The following GPC6 variants were observed in gnomAD, a reference collection of about 807,000 sequenced individuals.
The protein encoded by GPC6 is glypican-6.
In GPC6, 14 loss-of-function variants were observed where a neutral mutation model predicts 55.2. That is an observed-to-expected ratio of 0.25 (90% CI 0.17 to 0.40). The LOEUF is 0.40. Among genes scored for constraint, GPC6 ranks in the 10% least tolerant of loss-of-function variants. GPC6 has a pLI of 1.00. For synonymous variants in GPC6, 278 were observed against 259.6 expected, an observed-to-expected ratio of 1.07 and a Z score of -0.68; for missense variants, 641 against 708.5, an observed-to-expected ratio of 0.90 and a Z score of 1.08.
chr13:93,853,259 A>G (rs1888473555), intron 3 of GPC6, among the ~76,000 whole-genome samples: 4 of 151,806 alleles, frequency 2.6e-5, no homozygotes, highest in Non-Finnish European at 3.0e-5. Context: ...CCTATATGTA[A>G]TCTTTTCTTC....
intron 7 of GPC6, among the ~76,000 whole-genome samples, chr13:94,391,434 A>G (rs772554744): frequency 2.0e-5 from 3 of 152,160 alleles, no homozygotes; most frequent in Non-Finnish European, 4.4e-5. Context: ...CCGTATTTTG[A>G]TGTCAGATCT....
chr13:93,573,507 G>T (rs1307433081), intron 2 of GPC6, among the ~76,000 whole-genome samples: 1 of 151,936 alleles, frequency 6.6e-6, no homozygotes, highest in Non-Finnish European at 1.5e-5. Flanking sequence ...TTATTTTAAT[G>T]GAAATGGGGC....
At chr13:93,275,708 A>T (rs1409445078) in intron 1 of GPC6, among the ~76,000 whole-genome samples, 1 of 151,978 alleles carries the variant, frequency 6.6e-6, no homozygotes, top group Admixed American at 6.5e-5. Context: ...TCTCATAAGG[A>T]TGTCAGTCAG....
At chr13:93,279,487 T>G (rs189387146) in intron 1 of GPC6, among the ~76,000 whole-genome samples, 1 of 152,358 alleles carries the variant, frequency 6.6e-6, no homozygotes, top group African/African-American at 2.4e-5. Context: ...TTGAACCTTA[T>G]TTCCAATATT....
At chr13:94,208,292 T>C (rs1889964557) in intron 4 of GPC6, among the ~76,000 whole-genome samples, 1 of 152,180 alleles carries the variant, frequency 6.6e-6, no homozygotes. Flanking sequence ...GTTCTTCATG[T>C]CTGAAGTGGG....
rs542866374 is a variant in GPC6 at position 93,916,501 on chromosome 13, C to T, written c.711+85956C>T. On this transcript the variant is annotated intron_variant, in intron 3 of 8. Transcript: ENST00000377047. Reference sequence around the variant, plus strand: ...TGTAATTCCAGTGTTATCCCCCAAACTCCAACATTTTAACCCCTTATTTCT... The same window carrying T: ...TGTAATTCCAGTGTTATCCCCCAAATTCCAACATTTTAACCCCTTATTTCT... 2.2e-3 allele frequency among the ~76,000 whole-genome samples: 338 copies of T among 152,286 alleles called. 3 individuals are homozygous for T. The highest frequency in any genetic ancestry group is 0.016 in the South Asian group (78 of 4,830).
intron 6 of GPC6, among the ~76,000 whole-genome samples, chr13:94,356,953 C>G (rs1878828722): frequency 6.6e-6 from 1 of 152,100 alleles, no homozygotes; most frequent in African/African-American, 2.4e-5. Flanking sequence ...GAAAATGTGT[C>G]ATGGAGTTGC....
At chr13:93,756,620 G>A (rs1046882015) in intron 2 of GPC6, among the ~76,000 whole-genome samples, 1 of 152,178 alleles carries the variant, frequency 6.6e-6, no homozygotes, top group African/African-American at 2.4e-5. Context: ...GCATGAGAAT[G>A]CTGCTTAATT....
chr13:94,098,522 A>C (rs1885743828), intron 4 of GPC6, among the ~76,000 whole-genome samples: 1 of 152,210 alleles, frequency 6.6e-6, no homozygotes, highest in Non-Finnish European at 1.5e-5. Flanking sequence ...AAATGCAGAC[A>C]AGAGCATGCC....
At chr13:94,097,461 C>A (rs1885706119) in intron 4 of GPC6, among the ~76,000 whole-genome samples, 1 of 145,042 alleles carries the variant, frequency 6.9e-6, no homozygotes, top group Non-Finnish European at 1.5e-5. Context: ...GAGCGGAGAT[C>A]GCGCCACTGC....
intron 2 of GPC6, among the ~76,000 whole-genome samples, chr13:93,804,940 TAGC>T (rs1323347029): frequency 7.9e-5 from 12 of 152,204 alleles, no homozygotes; most frequent in African/African-American, 2.9e-4. Flanking sequence ...CCAAAGAACA[TAGC>T]AGCAGTTTAT....
intron 3 of GPC6, among the ~76,000 whole-genome samples, chr13:93,873,657 C>G (rs147712981): frequency 6.6e-6 from 1 of 151,850 alleles, no homozygotes; most frequent in Admixed American, 6.6e-5. Context: ...GCAGACCGAT[C>G]TGGAGCTTGA....
intron 2 of GPC6, among the ~76,000 whole-genome samples, chr13:93,805,721 C>G (rs9524226): frequency 0.37 from 56,948 of 152,000 alleles, 11,496 homozygotes; most frequent in African/African-American, 0.52. Flanking sequence ...GTTGATCATC[C>G]CCTCCAATCT....
intron 1 of GPC6, among the ~76,000 whole-genome samples, chr13:93,453,274 C>A (rs1475486509): frequency 6.6e-6 from 1 of 152,106 alleles, no homozygotes; most frequent in East Asian, 1.9e-4. Context: ...ATTCAATATG[C>A]CCCTGTGTTT....
chr13:93,229,084 T>C (rs1403999669), intron 1 of GPC6, among the ~76,000 whole-genome samples: 1 of 152,210 alleles, frequency 6.6e-6, no homozygotes, highest in Non-Finnish European at 1.5e-5. Flanking sequence ...CCTACTTTTC[T>C]ATCCTTGTTA....
chr13:94,192,139 A>G (rs370929573), intron 4 of GPC6, among the ~76,000 whole-genome samples: 3 of 152,228 alleles, frequency 2.0e-5, no homozygotes, highest in Admixed American at 6.5e-5. Context: ...GCATGCTGCA[A>G]TATTTTACAT....
chr13:93,275,937 C>G (rs1198829337), intron 1 of GPC6, among the ~76,000 whole-genome samples: 1 of 152,112 alleles, frequency 6.6e-6, no homozygotes, highest in African/African-American at 2.4e-5. Flanking sequence ...TGCGGCGGCG[C>G]GATCTCGGCT....
intron 4 of GPC6, among the ~76,000 whole-genome samples, chr13:94,065,332 T>C (rs1369612492): frequency 6.6e-6 from 1 of 152,196 alleles, no homozygotes; most frequent in East Asian, 1.9e-4. Flanking sequence ...AGGCACTCAG[T>C]GCTCACTCTA....
upstream of GPC6, among the ~76,000 whole-genome samples, chr13:93,225,935 CA>C (rs969966232): frequency 1.9e-4 from 29 of 152,262 alleles, no homozygotes; most frequent in African/African-American, 6.7e-4. Context: ...TTAGTAGTTT[CA>C]GGAGCTCTGG....
Sources: gnomAD v4.1 joint callset for allele counts (sites outside exome capture counted in the v4.1 genomes callset) on GRCh38, gnomAD v4.1.1 for gene constraint, MANE v1.5 for transcripts, NCBI Gene and HGNC (gene_info 2026-07-23, HGNC 2026-07-21) for gene names.